The following BRCA1 variants were observed in gnomAD, a reference collection of about 807,000 sequenced individuals.
The protein encoded by BRCA1 is BRCA1 DNA repair associated.
In BRCA1, 140 loss-of-function variants were observed where a neutral mutation model predicts 173.7. That is an observed-to-expected ratio of 0.81 (90% CI 0.70 to 0.93). BRCA1 has a LOEUF of 0.93. Ranked by LOEUF, BRCA1 falls within the 40% of genes least tolerant of loss-of-function variation. BRCA1 has a pLI of 0.00. For synonymous variants in BRCA1, 662 were observed against 756.0 expected (o/e 0.88, Z 2.04); for missense variants, 1,983 against 2,172.5 (o/e 0.91, Z 1.73).
At chr17:43,169,744 G>A (rs2056308579) in intron 1 of BRCA1, 1 of 160,834 alleles carries the variant, frequency 6.2e-6, no homozygotes, top group African/African-American at 2.5e-5. Flanking sequence ...TCCCTTTCCC[G>A]GGGCTCTTCT....
At chr17:43,053,079 T>G (rs1447405994) in intron 19 of BRCA1, among the ~76,000 whole-genome samples, 2 of 152,016 alleles carry the variant, frequency 1.3e-5, no homozygotes, top group Non-Finnish European at 2.9e-5. Context: ...GGTTTCACTA[T>G]GTTGGCCAGG....
At chr17:43,156,556 C>T (rs2056198465) in intron 1 of BRCA1, among the ~76,000 whole-genome samples, 1 of 152,064 alleles carries the variant, frequency 6.6e-6, no homozygotes, top group Non-Finnish European at 1.5e-5. Context: ...TGACTTGTAC[C>T]AATGTGGGTA....
rs8176290 is a variant in BRCA1, at chr17:43,053,755, G to A, written c.5278-2638C>T. Among the ~76,000 whole-genome samples the A allele has an allele frequency of 0.31, 47,114 of 151,774 alleles. 7,689 individuals carry two copies. Among genetic ancestry groups the A allele is most frequent in the South Asian group, 0.49 (2,370 of 4,806 alleles). ...GAGGCCGAGGTGGGTGGATCACTTG[G>A]GGTCGGGAGTTCAAGACCAGCGTGA... On this transcript the variant is annotated intron_variant, in intron 19 of 22. Coordinates refer to ENST00000357654, the MANE Select transcript of BRCA1 (RefSeq NM_007294.4).
At chr17:43,086,154 C>T (rs1333421609) in intron 11 of BRCA1, among the ~76,000 whole-genome samples, 1 of 116,480 alleles carries the variant, frequency 8.6e-6, no homozygotes, top group Admixed American at 8.1e-5. Flanking sequence ...ACACAGAAGT[C>T]CCCACCAATA....
chr17:43,100,792 C>T (rs1365809345), intron 6 of BRCA1, among the ~76,000 whole-genome samples: 3 of 140,306 alleles, frequency 2.1e-5, no homozygotes, highest in South Asian at 2.3e-4. Context: ...AGTGCAGTGG[C>T]GTGATCTCGG....
chr17:43,080,352 C>T lies in BRCA1; in HGVS notation c.4357+2052G>A, dbSNP rs942264893. On this transcript the variant is annotated intron_variant, in intron 12 of 22. Coordinates refer to ENST00000357654, the MANE Select transcript of BRCA1 (RefSeq NM_007294.4). ...GTGGGATTACAGGCATGTGCCACCA[C>T]GCCCGGCTAATTTTTTGTAGTTTTA... 2.6e-5 allele frequency among the ~76,000 whole-genome samples: 4 copies of T among 152,302 alleles called. No individual in the cohort carries two copies. In the East Asian group the frequency reaches 7.7e-4, roughly 29 times the overall value.
chr17:43,084,525 C>A (rs1295356996), intron 11 of BRCA1, among the ~76,000 whole-genome samples: 4 of 152,182 alleles, frequency 2.6e-5, no homozygotes, highest in Non-Finnish European at 5.9e-5. Context: ...GCCAAAAAGT[C>A]CAGTGGGGGA....
chr17:43,153,468 T>C (rs534589457), intron 1 of BRCA1: 2 of 152,284 alleles, frequency 1.3e-5, no homozygotes, highest in Non-Finnish European at 2.9e-5. Context: ...CCTTGAAAAG[T>C]AAAAAATGAT....
At position 43,094,222 on chromosome 17, in the gene BRCA1, G is replaced by A. The variant is rs759878392; in HGVS notation, c.1309C>T (p.His437Tyr). The A allele has an allele frequency of 5.0e-6, 8 of 1,614,088 alleles. No homozygotes were observed. Among genetic ancestry groups the A allele is most frequent in the Non-Finnish European group, 6.8e-6 (8 of 1,180,012 alleles). Residue 437 changes from histidine to tyrosine, a missense_variant, in exon 10 of 23, where the codon CAT becomes TAT. Transcript: ENST00000357654. The part of the protein sequence containing the change: ...EKIDLLASDP[H>Y]EALICKSERV... The stretch of plus-strand genomic sequence containing the variant: ...TCACTTTTACATATTAAAGCCTCAT[G>A]AGGATCACTGGCCAGTAAGTCTATT...
At chr17:43,164,564 T>C (rs1486768332) in intron 1 of BRCA1, 1 of 152,210 alleles carries the variant, frequency 6.6e-6, no homozygotes, top group East Asian at 1.9e-4. Context: ...AGTAATAGAA[T>C]AGATGAAAAG....
At chr17:43,119,641 G>A (rs1324288214) in intron 2 of BRCA1, among the ~76,000 whole-genome samples, 2 of 152,160 alleles carry the variant, frequency 1.3e-5, no homozygotes, top group Non-Finnish European at 2.9e-5. Context: ...TATTATTACT[G>A]GGACCAAATG....
At chr17:43,077,362 ACT>A (rs762224984) in intron 12 of BRCA1, among the ~76,000 whole-genome samples, 2 of 150,018 alleles carry the variant, frequency 1.3e-5, no homozygotes, top group South Asian at 4.2e-4. Context: ...ACGGAGTCTC[ACT>A]CTGTTGCCCA....
chr17:43,131,336 G>A, intron 1 of BRCA1: 1 of 471,994 alleles, frequency 2.1e-6, no homozygotes, highest in Admixed American at 2.4e-5. Context: ...CCAGTGATAT[G>A]GGCTTTAATA....
chr17:43,051,225 GC>G lies in BRCA1; in HGVS notation c.5278-109del, dbSNP rs1259406799. 6 of 1,079,188 alleles carry G rather than the reference GC, an allele frequency of 5.6e-6. No homozygotes were observed. The African/African-American group carries it at 9.4e-5, about 17-fold the overall frequency. 66.9% of individuals were successfully genotyped at this position (1,079,188 alleles called of 1,614,324 possible). ...AAAAACAGACTTTCAAAAAGGAAGAGCTTTTCTTTTTCTTCTGTTCACCACC... is the reference window on the plus strand; with the variant it reads ...AAAAACAGACTTTCAAAAAGGAAGAGTTTTCTTTTTCTTCTGTTCACCACC... On this transcript the variant is annotated intron_variant, in intron 19 of 22. Transcript: ENST00000357654.
intron 1 of BRCA1, among the ~76,000 whole-genome samples, chr17:43,135,977 C>T (rs540208642): frequency 3.9e-5 from 6 of 152,274 alleles, no homozygotes; most frequent in East Asian, 1.9e-4. Flanking sequence ...TCTGCAGTAC[C>T]GCAGAGTGAG....
chr17:43,095,409 C>T (rs374579692), intron 9 of BRCA1, among the ~76,000 whole-genome samples: 6 of 152,074 alleles, frequency 3.9e-5, no homozygotes, highest in African/African-American at 1.4e-4. Flanking sequence ...TGGTGAAACC[C>T]CATCTCTATA....
chr17:43,159,947 G>C (rs900168102), intron 1 of BRCA1: 1 of 152,262 alleles, frequency 6.6e-6, no homozygotes, highest in East Asian at 1.9e-4. Context: ...TAAAGGCTTT[G>C]ATGATTTGCA....
intron 13 of BRCA1, among the ~76,000 whole-genome samples, chr17:43,075,566 T>C (rs951455407): frequency 1.3e-4 from 20 of 148,386 alleles, no homozygotes; most frequent in Non-Finnish European, 2.1e-4. Flanking sequence ...CTCTCTCTCT[T>C]TTTTTTTTTG....
upstream of BRCA1, among the ~76,000 whole-genome samples, chr17:43,127,462 G>A (rs2055919962): frequency 6.6e-6 from 1 of 152,072 alleles, no homozygotes. Context: ...TCTAGCTCAA[G>A]GTTTGCAAAT....
Sources: gnomAD v4.1 joint callset for allele counts (sites outside exome capture counted in the v4.1 genomes callset) on GRCh38, gnomAD v4.1.1 for gene constraint, MANE v1.5 for transcripts, NCBI Gene and HGNC (gene_info 2026-07-23, HGNC 2026-07-21) for gene names.